AGO2: variants seen among roughly 807,000 people sequenced by gnomAD.
AGO2 encodes the protein protein argonaute-2.
AGO2 carries 5 observed loss-of-function variants against 102.3 expected under a neutral mutation model. That is an observed-to-expected ratio of 0.05 (90% CI 0.03 to 0.10). The LOEUF is 0.10. AGO2 is among the 10% of genes least tolerant of loss of function. The pLI, the probability that AGO2 is intolerant of heterozygous loss-of-function variation, is 1.00. For missense variants in AGO2, 541 were observed against 1,183.7 expected, an observed-to-expected ratio of 0.46 and a Z score of 7.97; for synonymous variants, 449 against 473.1, an observed-to-expected ratio of 0.95 and a Z score of 0.66.
chr8:140,562,571 A>G lies in AGO2; in HGVS notation c.400T>C (p.Trp134Arg), dbSNP rs1475499111. ...GCCTGCAAGCTCACGCAGGACACCC[A>G]CTTGATGGACACCTTGAAGATGCGA... ...KDRIFKVSIK[W>R]VSCVSLQALH... The change falls in exon 4 of 19, where the codon TGG becomes CGG. Residue 134 changes from tryptophan to arginine, a missense_variant. Around this residue, in one of 6 missense-constraint regions of AGO2, gnomAD observed 147 missense variants for 204.1 expected, o/e 0.72. Coordinates refer to ENST00000220592, the MANE Select transcript of AGO2 (RefSeq NM_012154.5). 4.3e-6 allele frequency: 7 copies of G among 1,614,094 alleles called. No homozygotes were observed. The highest frequency in any genetic ancestry group is 5.9e-6 in the Non-Finnish European group (7 of 1,180,026).
chr8:140,598,906 T>C (rs1422348157), intron 1 of AGO2, among the ~76,000 whole-genome samples: 1 of 152,226 alleles, frequency 6.6e-6, no homozygotes, highest in East Asian at 1.9e-4. Context: ...CCCATGCGTT[T>C]TCCTGCCTCT....
intron 2 of AGO2, among the ~76,000 whole-genome samples, chr8:140,573,568 CA>C (rs1484079540): frequency 1.3e-5 from 2 of 152,192 alleles, no homozygotes; most frequent in East Asian, 3.9e-4. Flanking sequence ...AAACTAGACC[CA>C]TGAGTGGGTT....
At chr8:140,625,939 G>A (rs1588517057) in intron 1 of AGO2, among the ~76,000 whole-genome samples, 1 of 152,216 alleles carries the variant, frequency 6.6e-6, no homozygotes, top group South Asian at 2.1e-4. Flanking sequence ...AGTGAGGCAC[G>A]CGCTTTAGCA....
chr8:140,541,059 T>C lies in AGO2; in HGVS notation c.2034+105A>G, dbSNP rs947253322. 6.1e-6 allele frequency: 8 copies of C among 1,315,650 alleles called. 1 individual carries two copies. In the African/African-American group the frequency reaches 1.2e-4, roughly 20 times the overall value. The allele number at this position is 1,315,650 out of a possible 1,614,324, so 81.5% of individuals were successfully genotyped here. ...TGACCAGATCAGCCTTGGGGCCGAA[T>C]GAGAGCCACATCATTCTTGCCATTC... On this transcript the variant is annotated intron_variant, in intron 15 of 18. Transcript: ENST00000220592.
At chr8:140,595,300 C>T (rs190022084) in intron 1 of AGO2, among the ~76,000 whole-genome samples, 2 of 152,100 alleles carry the variant, frequency 1.3e-5, no homozygotes, top group African/African-American at 2.4e-5. Flanking sequence ...TGATGCAATC[C>T]CATCTGTCCT....
chr8:140,595,786 A>ATGT lies in AGO2; in HGVS notation c.23-10476_23-10475insACA, dbSNP rs371128443. ...ACAATTATATTATATACAATTGTAT[A>ATGT]TACAATTATATTATATACAATTGTA... On this transcript the variant is annotated intron_variant, in intron 1 of 18. Coordinates refer to ENST00000220592, the MANE Select transcript of AGO2 (RefSeq NM_012154.5). Among the ~76,000 whole-genome samples, 32 of 59,952 alleles carry ATGT rather than the reference A, an allele frequency of 5.3e-4. 2 individuals are homozygous for ATGT. The highest frequency in any genetic ancestry group is 0.011 in the Middle Eastern group (1 of 92). 39.3% of individuals were successfully genotyped at this position (59,952 alleles called of 152,430 possible).
intron 17 of AGO2, 86 bp downstream of exon 17, chr8:140,535,382 G>A: frequency 2.1e-6 from 3 of 1,405,538 alleles, no homozygotes; most frequent in Non-Finnish European, 3.0e-6. Flanking sequence ...CATCCCACGT[G>A]CCAGCCAGAG....
rs2073299294 is a variant in AGO2 at position 140,567,038 on chromosome 8, C to A, written c.337-4404G>T. Among the ~76,000 whole-genome samples, 1 of 152,272 alleles carries A rather than the reference C, an allele frequency of 6.6e-6. No individual in the cohort carries two copies. Among genetic ancestry groups the A allele is most frequent in the Non-Finnish European group, 1.5e-5 (1 of 68,054 alleles). Reference sequence around the variant, plus strand: ...TCGGCATCCAGCCTACAGTGCTGTGCCCTGGCACGGATCGGATGCCTGTCA... The same window carrying A: ...TCGGCATCCAGCCTACAGTGCTGTGACCTGGCACGGATCGGATGCCTGTCA... On this transcript the variant is annotated intron_variant, in intron 3 of 18. Transcript: ENST00000220592. The surrounding 1 kb of genome is among the most constrained non-coding windows in gnomAD (Gnocchi z 5.0).
At chr8:140,623,248 G>C (rs58044368) in intron 1 of AGO2, among the ~76,000 whole-genome samples, 2 of 52,908 alleles carry the variant, frequency 3.8e-5, no homozygotes, top group African/African-American at 1.8e-4. Context: ...GGGGAATAAT[G>C]CACATGGGGT....
rs2271737 is a variant in AGO2, at chr8:140,556,352, G to C, written c.1027-66C>G. ...GGAGTGACCAGGGGAGCAGGCAGGG[G>C]GCTCAGGGGCTGGTGGCCTGGCTCT... On this transcript the variant is annotated intron_variant, in intron 8 of 18. Transcript: ENST00000220592. 5.4e-4 allele frequency: 865 copies of C among 1,588,714 alleles called. 12 individuals carry two copies. In the East Asian group the frequency reaches 0.017, roughly 30 times the overall value.
chr8:140,584,312 C>CA lies in AGO2; in HGVS notation c.215+806dup, dbSNP rs1030474873. ...ACCACTACTCACCCACCGAAACACA[C>CA]AAAAAAACACGCCTGACCACACCGC... On this transcript the variant is annotated intron_variant, in intron 2 of 18. Coordinates refer to ENST00000220592, the MANE Select transcript of AGO2 (RefSeq NM_012154.5). 2.0e-5 allele frequency among the ~76,000 whole-genome samples: 3 copies of CA among 152,184 alleles called. No homozygotes were observed. In the East Asian group the frequency reaches 5.8e-4, roughly 29 times the overall value.
chr8:140,602,508 G>A (rs1241555672), intron 1 of AGO2, among the ~76,000 whole-genome samples: 1 of 152,208 alleles, frequency 6.6e-6, no homozygotes. Context: ...GGTGGCGTTA[G>A]AAAACCGTCA....
intron 1 of AGO2, among the ~76,000 whole-genome samples, chr8:140,632,335 T>C (rs1342405881): frequency 6.6e-6 from 1 of 152,244 alleles, no homozygotes; most frequent in Non-Finnish European, 1.5e-5. Flanking sequence ...TAGAGGGTGA[T>C]ATCCTGCCAT....
At position 140,585,366 on chromosome 8, in the gene AGO2, CT is replaced by C. The variant is rs1374325184; in HGVS notation, c.23-56del. On this transcript the variant is annotated intron_variant, in intron 1 of 18. Transcript: ENST00000220592. The stretch of plus-strand genomic sequence containing the variant: ...GGGGGAGCAGGCTTGCTCTGCGGCC[CT>C]TCCCATCCCGCGGCCCCAAGCCACT... 4 of 1,567,062 alleles carry C rather than the reference CT, an allele frequency of 2.6e-6. No homozygotes were observed. In the African/African-American group the frequency reaches 4.1e-5, roughly 16 times the overall value.
At chr8:140,570,593 C>T (rs746673202) in intron 3 of AGO2, among the ~76,000 whole-genome samples, 31 of 152,158 alleles carry the variant, frequency 2.0e-4, no homozygotes, top group Middle Eastern at 3.2e-3. Flanking sequence ...GCACAGGCAC[C>T]GGCTAGGGCT....
At position 140,565,399 on chromosome 8, in the gene AGO2, A is replaced by G. The variant is rs531772213; in HGVS notation, c.337-2765T>C. 4.3e-4 allele frequency among the ~76,000 whole-genome samples: 65 copies of G among 150,498 alleles called. No homozygotes were observed. In the Middle Eastern group the frequency reaches 0.011, roughly 24 times the overall value. ...GGTTGCAGTGAGCCGAGATCGCGCC[A>G]CTGCACTCCAGCCTGGGCGACAGAG... is the stretch of plus-strand genomic sequence containing the variant. On this transcript the variant is annotated intron_variant, in intron 3 of 18. Transcript: ENST00000220592.
At chr8:140,638,317 A>G (rs1223456720), upstream of AGO2, 2 of 152,274 alleles carry the variant, frequency 1.3e-5, no homozygotes, top group African/African-American at 4.8e-5. Context: ...AGCTTTGGGA[A>G]GTCAAGTAAA....
intron 17 of AGO2, among the ~76,000 whole-genome samples, chr8:140,534,385 G>C (rs2072657886): frequency 6.6e-6 from 1 of 152,226 alleles, no homozygotes; most frequent in Non-Finnish European, 1.5e-5. Context: ...CTGAACAGAG[G>C]GCACACGCAG....
intron 1 of AGO2, among the ~76,000 whole-genome samples, chr8:140,604,173 G>C (rs184549453): frequency 6.6e-6 from 1 of 152,222 alleles, no homozygotes; most frequent in Non-Finnish European, 1.5e-5. Flanking sequence ...GGGAAACGAC[G>C]CGATGGAGCA....
Sources: allele counts gnomAD v4.1 joint callset (sites outside exome capture counted in the v4.1 genomes callset), GRCh38; gene constraint gnomAD v4.1.1; regional missense constraint gnomAD v4.1.1; non-coding constraint Gnocchi (gnomAD v3.1); transcripts MANE v1.5; gene names NCBI Gene and HGNC (gene_info 2026-07-23, HGNC 2026-07-21).